ADGRV1: variants seen among roughly 807,000 people sequenced by gnomAD.
ADGRV1 encodes G-protein coupled receptor 98.
ADGRV1 carries 359 observed loss-of-function variants against 596.2 expected under a neutral mutation model. The ratio of observed to expected loss-of-function variants is 0.60; its 90% CI spans 0.55 to 0.66. The LOEUF is 0.66. ADGRV1 is among the 30% of genes least tolerant of loss of function. ADGRV1 has a pLI of 0.00. For synonymous variants in ADGRV1, 2,681 were observed against 2,679.2 expected (o/e 1.00, Z -0.02); for missense variants, 7,274 against 7,575.6 (o/e 0.96, Z 1.48).
intron 85 of ADGRV1, among the ~76,000 whole-genome samples, chr5:91,014,640 G>T (rs1783030326): frequency 6.6e-6 from 1 of 151,494 alleles, no homozygotes; most frequent in South Asian, 2.1e-4. Flanking sequence ...ATGTGTCCAG[G>T]AATTTATCCA....
chr5:90,633,293 T>C (rs1765735576), intron 9 of ADGRV1, among the ~76,000 whole-genome samples: 5 of 152,220 alleles, frequency 3.3e-5, no homozygotes, highest in African/African-American at 1.2e-4. Context: ...TTTCTTTCTA[T>C]TTGTCAAAAA....
chr5:90,795,678 C>G (rs1239676473), intron 70 of ADGRV1, among the ~76,000 whole-genome samples: 1 of 152,208 alleles, frequency 6.6e-6, no homozygotes, highest in Non-Finnish European at 1.5e-5. Context: ...CAAGTGGATC[C>G]CTGACCCCCG....
intron 83 of ADGRV1, among the ~76,000 whole-genome samples, chr5:90,932,924 A>C: frequency 6.6e-6 from 1 of 152,176 alleles, no homozygotes; most frequent in Admixed American, 6.5e-5. Context: ...CACTCTCATC[A>C]CACATTGTGC....
intron 83 of ADGRV1, among the ~76,000 whole-genome samples, chr5:90,906,235 G>A (rs1772311098): frequency 6.6e-6 from 1 of 151,992 alleles, no homozygotes; most frequent in South Asian, 2.1e-4. Context: ...GGTAATATTG[G>A]CCTGATAGAA....
rs1192305175 is a variant in ADGRV1 at position 90,955,872 on chromosome 5, A to AT, written c.17857-9535dup. Among the ~76,000 whole-genome samples the AT allele has an allele frequency of 3.3e-5, 5 of 152,072 alleles. No homozygotes were observed. The South Asian group carries it at 8.3e-4, about 25-fold the overall frequency. On this transcript the variant is annotated intron_variant, in intron 83 of 89. Transcript: ENST00000405460. ...TCGATGTAAAATGGGAGGAATAACA[A>AT]TTTTTTTTAATTTATAAGAAACAGC...
At chr5:90,682,125 C>G (rs960513075) in intron 27 of ADGRV1, among the ~76,000 whole-genome samples, 8 of 152,124 alleles carry the variant, frequency 5.3e-5, no homozygotes, top group Non-Finnish European at 1.0e-4. Context: ...CTTGGCCTCT[C>G]AAAGTGCTGG....
At chr5:90,838,349 C>T (rs530908010) in intron 77 of ADGRV1, among the ~76,000 whole-genome samples, 7 of 151,904 alleles carry the variant, frequency 4.6e-5, no homozygotes, top group Non-Finnish European at 8.8e-5. Context: ...TAATCCTTAC[C>T]TCACTTGGAG....
chr5:90,756,428 C>A, intron 55 of ADGRV1, 26 bp from the exon 56 acceptor site: 4 of 1,429,460 alleles, frequency 2.8e-6, no homozygotes, highest in East Asian at 2.4e-5. Context: ...AAAAATGAAA[C>A]ACCATCTTTT....
At chr5:91,023,279 T>C (rs1783785817) in intron 85 of ADGRV1, among the ~76,000 whole-genome samples, 1 of 150,922 alleles carries the variant, frequency 6.6e-6, no homozygotes, top group South Asian at 2.1e-4. Context: ...TGCTATGTAC[T>C]TGGAGTAAGA....
At chr5:91,161,508 G>GTTT (rs372339480) in intron 89 of ADGRV1, among the ~76,000 whole-genome samples, 37 of 128,802 alleles carry the variant, frequency 2.9e-4, no homozygotes, top group Non-Finnish European at 4.4e-4. Flanking sequence ...GTTTTTGTTA[G>GTTT]TTTTTTTTTT....
At chr5:91,151,553 G>C (rs1021456314) in intron 88 of ADGRV1, among the ~76,000 whole-genome samples, 1 of 152,118 alleles carries the variant, frequency 6.6e-6, no homozygotes, top group Non-Finnish European at 1.5e-5. Flanking sequence ...CATCACAGCA[G>C]GCCCAATGGA....
intron 21 of ADGRV1, among the ~76,000 whole-genome samples, chr5:90,658,676 G>T (rs1336156610): frequency 4.3e-5 from 3 of 70,062 alleles, no homozygotes; most frequent in African/African-American, 2.2e-4. Context: ...ATGATTTTTT[G>T]ATTTTTTTTT....
chr5:91,142,353 C>A (rs1010176686), intron 87 of ADGRV1, among the ~76,000 whole-genome samples: 11 of 152,182 alleles, frequency 7.2e-5, no homozygotes, highest in African/African-American at 2.7e-4. Flanking sequence ...GAAGGTCTTC[C>A]TTTTTTAATT....
At position 90,719,608 on chromosome 5, in the gene ADGRV1, A is replaced by G. The variant is rs184413064; in HGVS notation, c.9448-440A>G. ...TTTTAATCACTGAGTAGCATTTTAT[A>G]AAATAGACCACTATTGGTTTGTCTG... On this transcript the variant is annotated intron_variant, in intron 43 of 89. Transcript: ENST00000405460. Among the ~76,000 whole-genome samples, 343 of 152,246 alleles carry G rather than the reference A, an allele frequency of 2.3e-3. 1 individual carries two copies. The highest frequency in any genetic ancestry group is 7.2e-3 in the African/African-American group (300 of 41,542).
chr5:91,056,521 G>T (rs140218460), intron 85 of ADGRV1, among the ~76,000 whole-genome samples: 2,966 of 151,158 alleles, frequency 0.02, 47 homozygotes, highest in Non-Finnish European at 0.03. Flanking sequence ...TTTTTTTTTT[G>T]AATTTTCTTT....
At chr5:90,831,319 A>G (rs957393499) in intron 77 of ADGRV1, among the ~76,000 whole-genome samples, 2 of 151,950 alleles carry the variant, frequency 1.3e-5, no homozygotes, top group Admixed American at 6.6e-5. Context: ...GTACACGCAC[A>G]CACACACCCT....
intron 83 of ADGRV1, among the ~76,000 whole-genome samples, chr5:90,929,881 C>G (rs1284137218): frequency 6.6e-6 from 1 of 152,098 alleles, no homozygotes; most frequent in Non-Finnish European, 1.5e-5. Flanking sequence ...AAGTAAATGA[C>G]TGTATCCTAC....
intron 83 of ADGRV1, among the ~76,000 whole-genome samples, chr5:90,918,807 C>G (rs887309946): frequency 6.6e-6 from 1 of 152,136 alleles, no homozygotes; most frequent in Non-Finnish European, 1.5e-5. Context: ...ACAACCAAGG[C>G]CTCCCTCTCT....
chr5:90,863,552 A>G (rs1045515150), intron 82 of ADGRV1, among the ~76,000 whole-genome samples: 1 of 152,174 alleles, frequency 6.6e-6, no homozygotes, highest in Non-Finnish European at 1.5e-5. Flanking sequence ...ATGCCTGAAT[A>G]TTGGGCTTAA....
Sources: allele counts gnomAD v4.1 joint callset (sites outside exome capture counted in the v4.1 genomes callset), GRCh38; gene constraint gnomAD v4.1.1; transcripts MANE v1.5; gene names NCBI Gene and HGNC (gene_info 2026-07-23, HGNC 2026-07-21).